Variants in RP1 observed in about 807,000 individuals in gnomAD.
RP1 encodes the protein RP1 axonemal microtubule associated.
A neutral mutation model predicts 14.8 loss-of-function variants in RP1; 16 were observed. The ratio of observed to expected loss-of-function variants is 1.08; its 90% CI spans 0.73 to 1.65. The LOEUF is 1.65. Among genes scored for constraint, RP1 ranks in the 40% most tolerant of loss-of-function variants. RP1 has a pLI of 0.00. For missense variants in RP1, 2,631 were observed against 2,535.0 expected (o/e 1.04, Z -0.81); for synonymous variants, 876 against 883.6 (o/e 0.99, Z 0.15).
At chr8:54,800,294 GTA>G (rs1585703339) in intron 24 of RP1, among the ~76,000 whole-genome samples, 2 of 151,876 alleles carry the variant, frequency 1.3e-5, no homozygotes, top group African/African-American at 4.8e-5. Flanking sequence ...ACAGCAATTT[GTA>G]TATGATTTGC....
intron 23 of RP1, among the ~76,000 whole-genome samples, chr8:54,781,289 C>T (rs767580405): frequency 1.6e-4 from 25 of 152,194 alleles, no homozygotes; most frequent in Middle Eastern, 3.4e-3. Context: ...ACTTCAATTA[C>T]GTGGAATTTT....
rs1368152950 is a variant in RP1 at position 54,626,953 on chromosome 8, G to T, written c.3071G>T (p.Cys1024Phe). Residue 1024 changes from cysteine to phenylalanine, a missense_variant, in exon 4 of 4, where the codon TGT becomes TTT. Transcript: ENST00000220676. ...TATTTGGTTCCCCTGCATGAACACTGTACTTTGTCACAGTCAGCTATTAAT... is the reference window on the plus strand; with the variant it reads ...TATTTGGTTCCCCTGCATGAACACTTTACTTTGTCACAGTCAGCTATTAAT... Reference protein sequence around the residue: ...DAYLVPLHEHCTLSQSAINDH... With the variant: ...DAYLVPLHEHFTLSQSAINDH... 2 of 1,613,842 alleles carry T rather than the reference G, an allele frequency of 1.2e-6. No individual in the cohort carries two copies.
At chr8:54,820,130 G>C (rs565842597) in intron 24 of RP1, among the ~76,000 whole-genome samples, 1 of 151,960 alleles carries the variant, frequency 6.6e-6, no homozygotes, top group African/African-American at 2.4e-5. Context: ...AATCTGCTTG[G>C]TGCTTTATTT....
upstream of RP1, among the ~76,000 whole-genome samples, chr8:54,611,106 A>G (rs1382765965): frequency 1.3e-5 from 2 of 152,262 alleles, no homozygotes; most frequent in East Asian, 1.9e-4. Flanking sequence ...CTGGTGAATA[A>G]TCATATAGAG....
At chr8:54,637,387 C>T (rs570399969) in intron 3 of RP1, among the ~76,000 whole-genome samples, 3 of 152,302 alleles carry the variant, frequency 2.0e-5, no homozygotes, top group African/African-American at 7.2e-5. Context: ...CACTGGCAGG[C>T]TATCCAGCAT....
At chr8:54,690,286 A>G (rs1343620408) in intron 12 of RP1, among the ~76,000 whole-genome samples, 1 of 152,046 alleles carries the variant, frequency 6.6e-6, no homozygotes, top group Non-Finnish European at 1.5e-5. Context: ...GATTAGCTGC[A>G]GTTCTTGTCT....
chr8:54,723,262 T>G (rs143911127), intron 16 of RP1, among the ~76,000 whole-genome samples: 2 of 152,260 alleles, frequency 1.3e-5, no homozygotes, highest in Non-Finnish European at 2.9e-5. Context: ...GCTGTTATGA[T>G]TATTAAAAAG....
At chr8:54,807,009 G>T (rs948444082) in intron 24 of RP1, among the ~76,000 whole-genome samples, 5 of 152,194 alleles carry the variant, frequency 3.3e-5, no homozygotes, top group African/African-American at 1.2e-4. Context: ...CTAGGTGACA[G>T]AAATGTTTCA....
At chr8:54,566,388 G>C (rs1804406560) in intron 1 of RP1, among the ~76,000 whole-genome samples, 1 of 152,188 alleles carries the variant, frequency 6.6e-6, no homozygotes, top group Non-Finnish European at 1.5e-5. Flanking sequence ...GAAAGTTAAA[G>C]TTTAATGATA....
At chr8:54,620,051 T>C (rs1805818073) in intron 1 of RP1, among the ~76,000 whole-genome samples, 3 of 152,236 alleles carry the variant, frequency 2.0e-5, no homozygotes, top group African/African-American at 7.2e-5. Flanking sequence ...GTTTTTTAAA[T>C]TGTGCAATAA....
rs115662481 is a variant in RP1, at chr8:54,747,170, T to C, written c.2809-7633T>C. On this transcript the variant is annotated intron_variant, in intron 19 of 22. Coordinates refer to the RP1 transcript ENST00000636932. The stretch of plus-strand genomic sequence containing the variant: ...TCTCCTATGATAGGCTTCCAGCTTC[T>C]TTTTCACCCCCCTCAGTATCCAGAT... 4.1e-3 allele frequency among the ~76,000 whole-genome samples: 629 copies of C among 152,294 alleles called. 5 individuals are homozygous for C. The highest frequency in any genetic ancestry group is 0.014 in the African/African-American group (602 of 41,564).
chr8:54,560,333 G>A (rs1473064407), intron 1 of RP1: 4 of 152,174 alleles, frequency 2.6e-5, no homozygotes, highest in African/African-American at 4.8e-5. Flanking sequence ...GTTAAGGTAC[G>A]AGTTGTTCTG....
chr8:54,786,617 A>G (rs1810325784), intron 24 of RP1, among the ~76,000 whole-genome samples: 2 of 152,110 alleles, frequency 1.3e-5, no homozygotes, highest in African/African-American at 2.4e-5. Flanking sequence ...TCAATTTGTT[A>G]TAATCCTTTG....
intron 12 of RP1, among the ~76,000 whole-genome samples, chr8:54,690,972 C>T (rs1011845340): frequency 3.3e-5 from 5 of 152,042 alleles, no homozygotes; most frequent in African/African-American, 1.2e-4. Flanking sequence ...GTAATTTAAA[C>T]CTTTACTCTT....
At chr8:54,741,707 G>GTATATATATATA (rs372225314) in intron 19 of RP1, among the ~76,000 whole-genome samples, 68 of 58,018 alleles carry the variant, frequency 1.2e-3, no homozygotes, top group Middle Eastern at 0.011. Flanking sequence ...AAATGTGTGT[G>GTATATATATATA]TATATATATA....
Position 54,621,186 on chromosome 8 carries a change from G to C in RP1, c.220G>C (p.Val74Leu), listed in dbSNP as rs767544932. ...DALLDNLSRK[V>L]PLPFGVRNIS... ...TCTGCTGGATAACTTGTCCAGGAAG[G>C]TGCCCCTCCCTTTTGGAGTGAGGAA... The change falls in exon 2 of 4, where the codon GTG (valine) becomes CTG (leucine). Residue 74 changes from valine (V) to leucine (L), a missense_variant. Physicochemically the swap from Val to Leu is conservative, Grantham distance 32 (BLOSUM62 1). Transcript: ENST00000220676. The C allele has an allele frequency of 6.2e-7, 1 of 1,614,128 alleles. No individual in the cohort carries two copies. Among genetic ancestry groups the C allele is most frequent in the South Asian group, 1.1e-5 (1 of 91,086 alleles).
intron 1 of RP1, among the ~76,000 whole-genome samples, chr8:54,577,135 C>G (rs1804680032): frequency 6.6e-6 from 1 of 152,128 alleles, no homozygotes; most frequent in African/African-American, 2.4e-5. Flanking sequence ...CCTGCCTCAG[C>G]CTCCTGAGTA....
rs555440343 is a variant in RP1 at position 54,692,136 on chromosome 8, G to A, written c.1718-7331G>A. Among the ~76,000 whole-genome samples, 76 of 151,874 alleles carry A rather than the reference G, an allele frequency of 5.0e-4. No individual in the cohort carries two copies. In the South Asian group the frequency reaches 0.013, roughly 26 times the overall value. ...CCAATTTCATCCATGTCCCTACAAAGGACATGAACTCATCGTTTTTTATGG... is the reference window on the plus strand; with the variant it reads ...CCAATTTCATCCATGTCCCTACAAAAGACATGAACTCATCGTTTTTTATGG... On this transcript the variant is annotated intron_variant, in intron 12 of 22. Coordinates refer to the RP1 transcript ENST00000636932.
At chr8:54,681,504 G>A (rs1213503655) in intron 12 of RP1, among the ~76,000 whole-genome samples, 1 of 151,782 alleles carries the variant, frequency 6.6e-6, no homozygotes, top group Non-Finnish European at 1.5e-5. Context: ...GTGTGTGTGT[G>A]TGTGTGTGTG....
Sources: allele counts gnomAD v4.1 joint callset (sites outside exome capture counted in the v4.1 genomes callset), GRCh38; gene constraint gnomAD v4.1.1; transcripts MANE v1.5; gene names NCBI Gene and HGNC (gene_info 2026-07-23, HGNC 2026-07-21).